The following ADAMTS3 variants were observed in gnomAD, a reference collection of about 807,000 sequenced individuals.
ADAMTS3 encodes A disintegrin and metalloproteinase with thrombospondin motifs 3.
In ADAMTS3, 73 loss-of-function variants were observed where a neutral mutation model predicts 129.0. The observed-to-expected ratio is 0.57, with a 90% CI of 0.47 to 0.69. The LOEUF is 0.69. ADAMTS3 is among the 30% of genes least tolerant of loss of function. The pLI is 0.00. For synonymous variants in ADAMTS3, 477 were observed against 510.8 expected (o/e 0.93, Z 0.89); for missense variants, 1,457 against 1,514.5 (o/e 0.96, Z 0.63).
chr4:72,354,692 C>A lies in ADAMTS3; in HGVS notation c.662-14999G>T, dbSNP rs113927927. Among the ~76,000 whole-genome samples, 4 of 152,106 alleles carry A rather than the reference C, an allele frequency of 2.6e-5. No individual in the cohort carries two copies. The East Asian group carries it at 5.8e-4, about 22-fold the overall frequency. On this transcript the variant is annotated intron_variant, in intron 4 of 21. Transcript: ENST00000286657. ...TTTTCATTGTTATTCTCAAGTCATT[C>A]GCTTATCTCAACATAATATATCCTT...
rs1285691120 is a variant in ADAMTS3, at chr4:72,283,312, G to A, written c.3442C>T (p.Pro1148Ser). ...ACCCTCTTGGTGGGTGGGGAGGATGGTACGGTGACCAGTCTCACAGTCTTA... is the reference window on the plus strand; with the variant it reads ...ACCCTCTTGGTGGGTGGGGAGGATGATACGGTGACCAGTCTCACAGTCTTA... The part of the protein sequence containing the change: ...GSKTVRLVTV[P>S]SSPPTKRVHL... Residue 1148 changes from proline to serine, a missense_variant, in exon 22 of 22, where the codon CCA becomes TCA. Pro to Ser is a moderately conservative substitution (Grantham distance 74, BLOSUM62 -1). Transcript: ENST00000286657. The A allele has an allele frequency of 1.2e-6, 2 of 1,613,918 alleles. No individual in the cohort carries two copies. The highest frequency in any genetic ancestry group is 1.1e-5 in the South Asian group (1 of 91,080).
At chr4:72,298,053 A>C (rs1718851802) in intron 18 of ADAMTS3, among the ~76,000 whole-genome samples, 1 of 152,124 alleles carries the variant, frequency 6.6e-6, no homozygotes. Flanking sequence ...AAAGGACCTG[A>C]GAGAAAAGGG....
At chr4:72,493,314 T>C (rs1349680763) in intron 3 of ADAMTS3, among the ~76,000 whole-genome samples, 5 of 152,006 alleles carry the variant, frequency 3.3e-5, no homozygotes, top group Non-Finnish European at 7.4e-5. Flanking sequence ...TCCTCTTTTG[T>C]TATCTTCCTT....
rs752528829 is a variant in ADAMTS3 at position 72,283,366 on chromosome 4, G to A, written c.3388C>T (p.Arg1130Cys). Residue 1130 changes from arginine (R) to cysteine (C), a missense_variant, in exon 22 of 22, where the codon CGC (arginine) becomes TGC (cysteine). Transcript: ENST00000286657. ...PNSKPDGANL[R>C]QRSAQQAGSK... ...CCTGCTTGCTGAGCACTCCTCTGGC[G>A]TAAATTAGCACCATCAGGTTTACTG... 27 of 1,613,540 alleles carry A rather than the reference G, an allele frequency of 1.7e-5. No homozygotes were observed. Among genetic ancestry groups the A allele is most frequent in the South Asian group, 2.2e-5 (2 of 91,078 alleles).
intron 11 of ADAMTS3, among the ~76,000 whole-genome samples, chr4:72,315,307 C>T (rs1373643645): frequency 6.6e-6 from 1 of 152,140 alleles, no homozygotes; most frequent in African/African-American, 2.4e-5. Context: ...GAAAAAGGGT[C>T]TTTGCAAATG....
intron 4 of ADAMTS3, among the ~76,000 whole-genome samples, chr4:72,355,196 C>A (rs1484783096): frequency 6.7e-6 from 1 of 148,744 alleles, no homozygotes; most frequent in Non-Finnish European, 1.5e-5. Context: ...TTTACCTGAA[C>A]AAAATAATAA....
At chr4:72,326,107 T>C (rs1719691894) in intron 5 of ADAMTS3, among the ~76,000 whole-genome samples, 2 of 152,160 alleles carry the variant, frequency 1.3e-5, no homozygotes, top group African/African-American at 4.8e-5. Flanking sequence ...GGTGACCCAG[T>C]AGAAACCAAA....
intron 5 of ADAMTS3, 120 bp downstream of exon 5, chr4:72,339,374 C>T (rs16847841): frequency 0.053 from 42,694 of 811,306 alleles, 4,279 homozygotes; most frequent in Admixed American, 0.31. Context: ...AAATTTAATG[C>T]CATCATGCAC....
intron 17 of ADAMTS3, among the ~76,000 whole-genome samples, chr4:72,302,756 A>G (rs4608773): frequency 0.22 from 34,023 of 151,978 alleles, 4,099 homozygotes; most frequent in East Asian, 0.47. Context: ...TGAAGAGAAA[A>G]ATCTTAAAAA....
intron 4 of ADAMTS3, among the ~76,000 whole-genome samples, chr4:72,388,860 C>A (rs762483724): frequency 7.9e-5 from 12 of 152,184 alleles, no homozygotes; most frequent in Non-Finnish European, 1.6e-4. Context: ...GGAAGGCCAG[C>A]ACAAGCTTCC....
chr4:72,555,431 G>A (rs1261582056), intron 2 of ADAMTS3, among the ~76,000 whole-genome samples: 4 of 151,712 alleles, frequency 2.6e-5, no homozygotes, highest in Admixed American at 1.3e-4. Context: ...GAATGGGGCC[G>A]CCAAGGCCTA....
At chr4:72,359,801 A>G (rs549775181) in intron 4 of ADAMTS3, among the ~76,000 whole-genome samples, 2 of 152,192 alleles carry the variant, frequency 1.3e-5, no homozygotes, top group South Asian at 4.1e-4. Context: ...AATGTATTAA[A>G]CTCATCACTG....
intron 4 of ADAMTS3, among the ~76,000 whole-genome samples, chr4:72,349,524 G>C (rs771983035): frequency 7.2e-5 from 11 of 151,954 alleles, no homozygotes; most frequent in Non-Finnish European, 1.2e-4. Flanking sequence ...TGTCCATAAA[G>C]TCTGGAGACA....
chr4:72,319,925 TTC>T lies in ADAMTS3; in HGVS notation c.1139_1140del (p.Arg380LysfsTer7), dbSNP rs780163885. 1 of 1,613,906 alleles carries T rather than the reference TTC, an allele frequency of 6.2e-7. No individual in the cohort carries two copies. The highest frequency in any genetic ancestry group is 8.5e-7 in the Non-Finnish European group (1 of 1,179,880). ...APVTGMCHPVRSCTLNHEDGF... is the reference protein window; with the variant it reads ...APVTGMCHPVXSCTLNHEDGF... The stretch of plus-strand genomic sequence containing the variant: ...CCATCCTCATGATTCAGGGTACAAC[TTC>T]TCACTGGATGACACATGCCGGTGAC... On this transcript the variant is annotated frameshift_variant, in exon 8 of 22. Coordinates refer to ENST00000286657, the MANE Select transcript of ADAMTS3 (RefSeq NM_014243.3). LOFTEE classifies it high-confidence loss of function.
Position 72,500,128 on chromosome 4 carries a change from T to G in ADAMTS3, c.504+48350A>C, listed in dbSNP as rs1044071091. On this transcript the variant is annotated intron_variant, in intron 3 of 21. Transcript: ENST00000286657. ...TCTTGGTAGAATGATTTATTTTCTTTTGGATATATACCCAGTAATGAGACT... is the reference window on the plus strand; with the variant it reads ...TCTTGGTAGAATGATTTATTTTCTTGTGGATATATACCCAGTAATGAGACT... 2.6e-5 allele frequency among the ~76,000 whole-genome samples: 4 copies of G among 152,166 alleles called. No individual in the cohort carries two copies. In the East Asian group the frequency reaches 7.7e-4, roughly 29 times the overall value.
chr4:72,410,036 G>T (rs1351590598), intron 4 of ADAMTS3, among the ~76,000 whole-genome samples: 1 of 152,010 alleles, frequency 6.6e-6, no homozygotes, highest in African/African-American at 2.4e-5. Flanking sequence ...ACTAAAAAAT[G>T]TCTGCTGAAA....
At chr4:72,550,909 T>C (rs1248258934) in intron 2 of ADAMTS3, among the ~76,000 whole-genome samples, 1 of 152,122 alleles carries the variant, frequency 6.6e-6, no homozygotes, top group Non-Finnish European at 1.5e-5. Flanking sequence ...CCCATTCAAC[T>C]TGGTACTCCC....
rs550049538 is a variant in ADAMTS3, at chr4:72,375,145, G to C, written c.662-35452C>G. On this transcript the variant is annotated intron_variant, in intron 4 of 21. Transcript: ENST00000286657. Reference sequence around the variant, plus strand: ...ATTTCTAGCATTATCTCACCCTTCAGGCTTTATGCGAGGCACTGTCTTCCT... The same window carrying C: ...ATTTCTAGCATTATCTCACCCTTCACGCTTTATGCGAGGCACTGTCTTCCT... Among the ~76,000 whole-genome samples the C allele has an allele frequency of 5.3e-5, 8 of 152,118 alleles. No homozygotes were observed. In the South Asian group the frequency reaches 1.7e-3, roughly 32 times the overall value.
At chr4:72,437,325 C>T (rs1205403535) in intron 3 of ADAMTS3, among the ~76,000 whole-genome samples, 1 of 151,830 alleles carries the variant, frequency 6.6e-6, no homozygotes, top group African/African-American at 2.4e-5. Flanking sequence ...GCATGAAAAG[C>T]ATCTGCACTG....
Sources: gnomAD v4.1 joint callset for allele counts (sites outside exome capture counted in the v4.1 genomes callset) on GRCh38, gnomAD v4.1.1 for gene constraint, MANE v1.5 for transcripts, NCBI Gene and HGNC (gene_info 2026-07-23, HGNC 2026-07-21) for gene names.